Variants in IKZF3 observed in about 807,000 individuals in gnomAD.
IKZF3 encodes zinc finger protein Aiolos.
IKZF3 carries 10 observed loss-of-function variants against 49.0 expected under a neutral mutation model. The ratio of observed to expected loss-of-function variants is 0.20; its 90% CI spans 0.13 to 0.35. IKZF3 has a LOEUF of 0.35. Among genes scored for constraint, IKZF3 ranks in the 10% least tolerant of loss-of-function variants. IKZF3 has a pLI of 1.00. For missense variants in IKZF3, 498 were observed against 664.8 expected (o/e 0.75, Z 2.76); for synonymous variants, 209 against 228.2 (o/e 0.92, Z 0.76).
At chr17:39,810,167 C>A (rs1193180886) in intron 3 of IKZF3, among the ~76,000 whole-genome samples, 1 of 152,132 alleles carries the variant, frequency 6.6e-6, no homozygotes, top group Non-Finnish European at 1.5e-5. Flanking sequence ...CTTAAAGACA[C>A]CTCTGTGTTA....
rs114988653 is a variant in IKZF3 at position 39,827,292 on chromosome 17, C to T, written c.163+2095G>A. On this transcript the variant is annotated intron_variant, in intron 3 of 7. Transcript: ENST00000346872. ...GATTACAGGTGTGAGTCACCACGGC[C>T]GGCCTGTTGTTGTTCTTTTGAGACA... Among the ~76,000 whole-genome samples the T allele has an allele frequency of 8.4e-3, 1,265 of 150,650 alleles. 16 individuals are homozygous for T. Among genetic ancestry groups the T allele is most frequent in the African/African-American group, 0.029 (1,202 of 41,006 alleles).
intron 3 of IKZF3, among the ~76,000 whole-genome samples, chr17:39,806,256 A>G (rs577864612): frequency 6.6e-6 from 1 of 152,360 alleles, no homozygotes; most frequent in East Asian, 1.9e-4. Flanking sequence ...CTGGCACATA[A>G]TATGTTCATG....
At chr17:39,822,301 A>T (rs1240656711) in intron 3 of IKZF3, among the ~76,000 whole-genome samples, 2 of 152,128 alleles carry the variant, frequency 1.3e-5, no homozygotes. Context: ...TAAGCCCCAT[A>T]ATCCCATGTC....
chr17:39,823,577 T>C (rs1030827612), intron 3 of IKZF3, among the ~76,000 whole-genome samples: 3 of 151,972 alleles, frequency 2.0e-5, no homozygotes, highest in Admixed American at 2.0e-4. Flanking sequence ...GGCCCAAAGG[T>C]CTAGGAGGCA....
chr17:39,801,064 C>A (rs12937330), intron 3 of IKZF3, among the ~76,000 whole-genome samples: 14,706 of 152,026 alleles, frequency 0.097, 1,474 homozygotes, highest in African/African-American at 0.26. Flanking sequence ...TCCAACTCTA[C>A]GAAGGACAAA....
At chr17:39,768,032 G>T (rs2143593077) in intron 7 of IKZF3, among the ~76,000 whole-genome samples, 1 of 152,148 alleles carries the variant, frequency 6.6e-6, no homozygotes, top group Non-Finnish European at 1.5e-5. Context: ...AGCCTGGGTG[G>T]CAGAGTAAGA....
Position 39,763,021 on chromosome 17 carries a change from G to A in IKZF3, c.*2769C>T, listed in dbSNP as rs557611415. 6.6e-6 allele frequency: 1 copy of A among 152,290 alleles called. No individual in the cohort carries two copies. Among genetic ancestry groups the A allele is most frequent in the Admixed American group, 6.5e-5 (1 of 15,296 alleles). The allele number at this position is 152,290 out of a possible 1,614,324, so 9.4% of individuals were successfully genotyped here. ...AATTCTCTTTCTCTTGTCCCTTGAA[G>A]AACCAACAGGATGTGCGATATTTCA... is the stretch of plus-strand genomic sequence containing the variant. On this transcript the variant is annotated 3_prime_UTR_variant, in exon 8 of 8. Transcript: ENST00000346872.
intron 1 of IKZF3, chr17:39,835,027 C>T: frequency 2.5e-6 from 1 of 407,004 alleles, no homozygotes; most frequent in Non-Finnish European, 4.7e-6. Flanking sequence ...ATCTTCTTCA[C>T]AACCACAGCC....
At chr17:39,862,652 C>T (rs954144417) in intron 1 of IKZF3, among the ~76,000 whole-genome samples, 2 of 152,206 alleles carry the variant, frequency 1.3e-5, no homozygotes, top group South Asian at 4.1e-4. Flanking sequence ...TACTATCTAT[C>T]TCCATGGACC....
chr17:39,779,655 T>TG (rs1487370137), intron 6 of IKZF3, among the ~76,000 whole-genome samples: 1 of 150,606 alleles, frequency 6.6e-6, no homozygotes, highest in Middle Eastern at 3.4e-3. Flanking sequence ...TGTTTTTTGT[T>TG]TTTTTTTTTT....
At chr17:39,856,960 C>A (rs2063079160) in intron 1 of IKZF3, among the ~76,000 whole-genome samples, 1 of 152,044 alleles carries the variant, frequency 6.6e-6, no homozygotes, top group African/African-American at 2.4e-5. Flanking sequence ...AATTTATACA[C>A]TGATCATCTT....
At chr17:39,779,027 A>G (rs1299833653) in intron 6 of IKZF3, among the ~76,000 whole-genome samples, 2 of 152,248 alleles carry the variant, frequency 1.3e-5, no homozygotes, top group South Asian at 2.1e-4. Context: ...AAAGCTCCCC[A>G]GATGATTTTA....
intron 3 of IKZF3, among the ~76,000 whole-genome samples, chr17:39,798,238 T>A (rs2061222907): frequency 6.6e-6 from 1 of 152,232 alleles, no homozygotes; most frequent in Non-Finnish European, 1.5e-5. Flanking sequence ...TGTTTGTTGC[T>A]ACAAGATTGC....
chr17:39,841,032 C>T (rs1322902553), intron 1 of IKZF3, among the ~76,000 whole-genome samples: 1 of 152,096 alleles, frequency 6.6e-6, no homozygotes, highest in African/African-American at 2.4e-5. Flanking sequence ...CAAAAATTAG[C>T]CAGGCATGTT....
In IKZF3 at chr17:39,858,118, T is replaced by G. The variant is rs2063117124; in HGVS notation, c.7+6002A>C. On this transcript the variant is annotated intron_variant, in intron 1 of 7. Coordinates refer to ENST00000346872, the MANE Select transcript of IKZF3 (RefSeq NM_012481.5). ...TAGAAAAATAATAGTTTTGTTCTGT[T>G]TCATGAGTGACAGTATTGAAATGTT... 1.3e-5 allele frequency among the ~76,000 whole-genome samples: 2 copies of G among 152,148 alleles called. 1 individual carries two copies. The highest frequency in any genetic ancestry group is 4.1e-4 in the South Asian group (2 of 4,822).
intron 3 of IKZF3, among the ~76,000 whole-genome samples, chr17:39,824,931 G>A (rs761892258): frequency 2.0e-5 from 3 of 152,056 alleles, no homozygotes; most frequent in Non-Finnish European, 2.9e-5. Flanking sequence ...TCCTGACCTC[G>A]TGATCCTCCC....
At chr17:39,830,557 T>C (rs895991788) in intron 2 of IKZF3, among the ~76,000 whole-genome samples, 4 of 152,180 alleles carry the variant, frequency 2.6e-5, no homozygotes, top group Non-Finnish European at 4.4e-5. Flanking sequence ...GAGAAATGTA[T>C]AATAAATATT....
chr17:39,810,263 A>T (rs1462921204), intron 3 of IKZF3, among the ~76,000 whole-genome samples: 1 of 152,222 alleles, frequency 6.6e-6, no homozygotes, highest in Non-Finnish European at 1.5e-5. Flanking sequence ...AAAATTATAT[A>T]TCTCTCTTAT....
At position 39,765,549 on chromosome 17, in the gene IKZF3, T is replaced by C; in HGVS notation, c.*241A>G. Reference sequence around the variant, plus strand: ...ACCAAATACCTTTTTGGCTTTTAAATTCCATAAAATTCAAGTCCCTGATGG... The same window carrying C: ...ACCAAATACCTTTTTGGCTTTTAAACTCCATAAAATTCAAGTCCCTGATGG... On this transcript the variant is annotated 3_prime_UTR_variant, in exon 8 of 8. Transcript: ENST00000346872. 1 of 453,676 alleles carries C rather than the reference T, an allele frequency of 2.2e-6. No individual in the cohort carries two copies. Among genetic ancestry groups the C allele is most frequent in the Non-Finnish European group, 3.9e-6 (1 of 254,528 alleles). The allele number at this position is 453,676 out of a possible 1,614,324, so 28.1% of individuals were successfully genotyped here.
Sources: gnomAD v4.1 joint callset for allele counts (sites outside exome capture counted in the v4.1 genomes callset) on GRCh38, gnomAD v4.1.1 for gene constraint, MANE v1.5 for transcripts, NCBI Gene and HGNC (gene_info 2026-07-23, HGNC 2026-07-21) for gene names.